The following RANBP17 variants were observed in gnomAD, a reference collection of about 807,000 sequenced individuals.
RANBP17 encodes ran-binding protein 17.
A neutral mutation model predicts 141.2 loss-of-function variants in RANBP17; 158 were observed. The observed-to-expected ratio is 1.12, with a 90% CI of 0.98 to 1.28. The LOEUF is 1.28. RANBP17 is among the 50% of genes most tolerant of loss of function. RANBP17 has a pLI of 0.00. For synonymous variants in RANBP17, 430 were observed against 450.0 expected (o/e 0.96, Z 0.56); for missense variants, 1,438 against 1,290.7 (o/e 1.11, Z -1.75).
At chr5:170,971,907 TGTA>T in intron 14 of RANBP17, among the ~76,000 whole-genome samples, 1 of 152,238 alleles carries the variant, frequency 6.6e-6, no homozygotes, top group African/African-American at 2.4e-5. Flanking sequence ...CAAAGAATAA[TGTA>T]ATAAACACTC....
chr5:171,024,701 A>G (rs1435345273), intron 14 of RANBP17, among the ~76,000 whole-genome samples: 2 of 152,012 alleles, frequency 1.3e-5, no homozygotes, highest in African/African-American at 2.4e-5. Context: ...CTCTGTAGCA[A>G]CTTCTTCCTC....
intron 25 of RANBP17, among the ~76,000 whole-genome samples, chr5:171,291,561 T>A (rs1404097955): frequency 6.6e-6 from 1 of 152,170 alleles, no homozygotes; most frequent in African/African-American, 2.4e-5. Context: ...CTTTTAGTAT[T>A]CCTGTATTTG....
Position 170,909,695 on chromosome 5 carries a change from A to C in RANBP17, c.524A>C (p.Lys175Thr). ...TCTAGACCTTCAGCAAAACACAGGA[A>C]AATAGCTACCTCATTTCGTGATACT... ...DYSRPSAKHR[K>T]IATSFRDTSL... The change falls in exon 6 of 28, where the codon AAA becomes ACA. Residue 175 changes from lysine to threonine, a missense_variant. By Grantham distance (78) the Lys-to-Thr change is moderately conservative. Transcript: ENST00000523189. 1 of 1,598,010 alleles carries C rather than the reference A, an allele frequency of 6.3e-7. No individual in the cohort carries two copies. Among genetic ancestry groups the C allele is most frequent in the Non-Finnish European group, 8.6e-7 (1 of 1,168,136 alleles).
chr5:171,132,971 C>T (rs541466212), intron 14 of RANBP17, among the ~76,000 whole-genome samples: 35 of 152,158 alleles, frequency 2.3e-4, no homozygotes, highest in African/African-American at 7.9e-4. Context: ...CTGCAACCTC[C>T]GCCTTCTGGT....
intron 18 of RANBP17, among the ~76,000 whole-genome samples, chr5:171,191,749 C>T (rs2127941903): frequency 6.6e-6 from 1 of 152,178 alleles, no homozygotes; most frequent in African/African-American, 2.4e-5. Context: ...CCAAGGTCAG[C>T]CATGTATGTA....
intron 14 of RANBP17, among the ~76,000 whole-genome samples, chr5:171,037,915 G>C (rs1781988252): frequency 6.6e-6 from 1 of 151,936 alleles, no homozygotes; most frequent in Non-Finnish European, 1.5e-5. Context: ...GGCTCTTTCT[G>C]TTCTGTATGA....
chr5:170,884,149 T>G (rs1768954468), intron 3 of RANBP17, among the ~76,000 whole-genome samples: 1 of 152,214 alleles, frequency 6.6e-6, no homozygotes. Flanking sequence ...TTGATAGATG[T>G]GTAGTGGTAT....
chr5:170,897,345 T>C, intron 5 of RANBP17: 1 of 526,552 alleles, frequency 1.9e-6, no homozygotes, highest in Non-Finnish European at 3.6e-6. Context: ...GGCACATTTC[T>C]TCTTCTTCTT....
intron 14 of RANBP17, among the ~76,000 whole-genome samples, chr5:171,160,992 G>T (rs982140361): frequency 5.3e-5 from 8 of 152,038 alleles, no homozygotes; most frequent in African/African-American, 1.9e-4. Context: ...TAGAAGCAGG[G>T]TTTCACCTTG....
chr5:171,048,162 A>T (rs1782716227), intron 14 of RANBP17, among the ~76,000 whole-genome samples: 1 of 151,874 alleles, frequency 6.6e-6, no homozygotes, highest in South Asian at 2.1e-4. Flanking sequence ...TCTTGGGTTC[A>T]AGTGATCTTC....
At chr5:171,038,468 G>A (rs1581464137) in intron 14 of RANBP17, among the ~76,000 whole-genome samples, 2 of 151,978 alleles carry the variant, frequency 1.3e-5, no homozygotes, top group Non-Finnish European at 2.9e-5. Context: ...GCTGTGGCGA[G>A]GGCTTCCAGT....
At chr5:171,211,289 T>G (rs1341056448) in intron 20 of RANBP17, among the ~76,000 whole-genome samples, 1 of 151,676 alleles carries the variant, frequency 6.6e-6, no homozygotes, top group Non-Finnish European at 1.5e-5. Flanking sequence ...TGAGACAGAG[T>G]CTCACTCTGT....
At chr5:171,243,714 A>G (rs549286878) in intron 24 of RANBP17, among the ~76,000 whole-genome samples, 27 of 152,306 alleles carry the variant, frequency 1.8e-4, no homozygotes, top group African/African-American at 6.0e-4. Context: ...TAGCCATGAT[A>G]GTGGGTGTGA....
At chr5:171,093,488 A>G (rs1295950656) in intron 14 of RANBP17, among the ~76,000 whole-genome samples, 2 of 152,216 alleles carry the variant, frequency 1.3e-5, no homozygotes, top group African/African-American at 2.4e-5. Context: ...AAAACAATCA[A>G]GAACCCGTTG....
At chr5:171,160,869 T>C (rs1759299085) in intron 14 of RANBP17, among the ~76,000 whole-genome samples, 1 of 152,144 alleles carries the variant, frequency 6.6e-6, no homozygotes, top group Admixed American at 6.5e-5. Context: ...CTCAGCTCAC[T>C]GCAACCTCTG....
At chr5:171,063,098 G>A (rs1784020151) in intron 14 of RANBP17, among the ~76,000 whole-genome samples, 2 of 152,172 alleles carry the variant, frequency 1.3e-5, no homozygotes, top group Non-Finnish European at 2.9e-5. Flanking sequence ...CTTTGCCTTT[G>A]GTTTGAATTT....
intron 24 of RANBP17, among the ~76,000 whole-genome samples, chr5:171,261,262 G>T (rs1476281081): frequency 6.6e-6 from 1 of 152,110 alleles, no homozygotes; most frequent in Admixed American, 6.5e-5. Context: ...TACAAAGCAG[G>T]TAATATTAAT....
At chr5:171,298,717 C>T in intron 27 of RANBP17, 45 bp from the exon 28 acceptor site, 1 of 1,483,320 alleles carries the variant, frequency 6.7e-7, no homozygotes, top group Non-Finnish European at 9.4e-7. Context: ...TTCATGGAGG[C>T]TTTGCCTCAT....
At chr5:170,963,701 G>A (rs905678909) in intron 13 of RANBP17, among the ~76,000 whole-genome samples, 14 of 152,176 alleles carry the variant, frequency 9.2e-5, no homozygotes, top group Admixed American at 7.2e-4. Context: ...GACAGGAGGC[G>A]GAGCTCAGGC....
Sources: allele counts gnomAD v4.1 joint callset (sites outside exome capture counted in the v4.1 genomes callset), GRCh38; gene constraint gnomAD v4.1.1; transcripts MANE v1.5; gene names NCBI Gene and HGNC (gene_info 2026-07-23, HGNC 2026-07-21).